Variants in CDH10 observed in about 807,000 individuals in gnomAD.
The protein encoded by CDH10 is cadherin 10, also known as cadherin-10.
In CDH10, 30 loss-of-function variants were observed where a neutral mutation model predicts 73.1. That is an observed-to-expected ratio of 0.41 (90% CI 0.31 to 0.56). CDH10 has a LOEUF of 0.56. CDH10 is among the 20% of genes least tolerant of loss of function. CDH10 has a pLI of 0.27. For missense variants in CDH10, 815 were observed against 973.7 expected (o/e 0.84, Z 2.17); for synonymous variants, 345 against 348.2 (o/e 0.99, Z 0.10).
chr5:24,642,257 T>C (rs2112223845), intron 1 of CDH10, among the ~76,000 whole-genome samples: 1 of 152,252 alleles, frequency 6.6e-6, no homozygotes, highest in South Asian at 2.1e-4. Flanking sequence ...CATATTCCAG[T>C]AAGACGTGTT....
At chr5:24,581,455 C>T (rs1244774416) in intron 2 of CDH10, among the ~76,000 whole-genome samples, 1 of 152,160 alleles carries the variant, frequency 6.6e-6, no homozygotes, top group African/African-American at 2.4e-5. Flanking sequence ...TTTCTGATTG[C>T]ACTTACATTT....
At chr5:24,557,363 T>C (rs545533897) in intron 2 of CDH10, among the ~76,000 whole-genome samples, 2 of 151,902 alleles carry the variant, frequency 1.3e-5, no homozygotes, top group Middle Eastern at 6.8e-3. Flanking sequence ...ATGTCCCTAA[T>C]TTACAGAATC....
chr5:24,514,489 T>C (rs936528911), intron 5 of CDH10, among the ~76,000 whole-genome samples: 2 of 152,154 alleles, frequency 1.3e-5, no homozygotes, highest in African/African-American at 4.8e-5. Context: ...TATAGTTCAC[T>C]ATGATTCTAC....
intron 1 of CDH10, among the ~76,000 whole-genome samples, chr5:24,607,581 T>A (rs865856160): frequency 6.6e-6 from 1 of 152,204 alleles, no homozygotes; most frequent in South Asian, 2.1e-4. Flanking sequence ...CCCAGAGAAA[T>A]TTTAGCAATA....
intron 2 of CDH10, among the ~76,000 whole-genome samples, chr5:24,563,451 TA>T (rs34730632): frequency 0.011 from 1,608 of 144,588 alleles, 31 homozygotes; most frequent in African/African-American, 0.039. Flanking sequence ...TATAGAAGCT[TA>T]AAAAAAAAAA....
At chr5:24,619,092 G>A (rs888411264) in intron 1 of CDH10, among the ~76,000 whole-genome samples, 2 of 152,102 alleles carry the variant, frequency 1.3e-5, no homozygotes, top group African/African-American at 4.8e-5. Flanking sequence ...ACCACTGCAC[G>A]TTGGAAGTAC....
At chr5:24,512,848 G>A (rs2111775044) in intron 5 of CDH10, among the ~76,000 whole-genome samples, 1 of 152,130 alleles carries the variant, frequency 6.6e-6, no homozygotes, top group Admixed American at 6.5e-5. Flanking sequence ...AGACCTCTTA[G>A]CTTGTCACAG....
chr5:24,542,291 T>C (rs527844307), intron 2 of CDH10, among the ~76,000 whole-genome samples: 1 of 152,292 alleles, frequency 6.6e-6, no homozygotes, highest in South Asian at 2.1e-4. Context: ...AACATTTTAG[T>C]TTTTATCTGT....
At chr5:24,558,322 G>T (rs9293137) in intron 2 of CDH10, among the ~76,000 whole-genome samples, 125,621 of 151,612 alleles carry the variant, frequency 0.83, 52,085 homozygotes, top group East Asian at 0.91. Flanking sequence ...TATAAACTAT[G>T]ACCAGGATTC....
rs535470018 is a variant in CDH10, at chr5:24,542,512, T to C, written c.232-4838A>G. On this transcript the variant is annotated intron_variant, in intron 2 of 11. Coordinates refer to ENST00000264463, the MANE Select transcript of CDH10 (RefSeq NM_006727.5). The stretch of plus-strand genomic sequence containing the variant: ...GTACAGGTTTGTAACCTAGGAGCAA[T>C]AGGCCCTACCATATAGCCTAGGTAT... 1.6e-3 allele frequency among the ~76,000 whole-genome samples: 245 copies of C among 152,298 alleles called. 1 individual carries two copies. The highest frequency in any genetic ancestry group is 5.5e-3 in the African/African-American group (227 of 41,580).
At chr5:24,512,763 C>G (rs544139004) in intron 5 of CDH10, among the ~76,000 whole-genome samples, 13 of 152,158 alleles carry the variant, frequency 8.5e-5, no homozygotes, top group African/African-American at 1.2e-4. Context: ...TAATCAACCT[C>G]AAGTACACTC....
intron 4 of CDH10, 47 bp from the exon 5 acceptor site, chr5:24,535,326 A>G (rs2111879986): frequency 2.0e-6 from 3 of 1,520,534 alleles, no homozygotes; most frequent in Non-Finnish European, 2.7e-6. Flanking sequence ...TGAAATCTCC[A>G]TTGTTATTTT....
intron 1 of CDH10, among the ~76,000 whole-genome samples, chr5:24,615,100 C>T (rs1051487532): frequency 2.6e-5 from 4 of 152,156 alleles, no homozygotes; most frequent in African/African-American, 9.7e-5. Flanking sequence ...CATGATAATA[C>T]TGTTCTCGCC....
intron 2 of CDH10, among the ~76,000 whole-genome samples, chr5:24,571,708 G>GAA (rs35188983): frequency 5.3e-5 from 8 of 151,722 alleles, no homozygotes; most frequent in South Asian, 4.2e-4. Flanking sequence ...ATAGTTCTAT[G>GAA]AAAAAAAATA....
At chr5:24,599,961 C>G (rs1418561846) in intron 1 of CDH10, among the ~76,000 whole-genome samples, 1 of 152,078 alleles carries the variant, frequency 6.6e-6, no homozygotes, top group African/African-American at 2.4e-5. Flanking sequence ...CTAAATTATG[C>G]ATGTGTAGCT....
At chr5:24,542,229 T>C (rs1744178895) in intron 2 of CDH10, among the ~76,000 whole-genome samples, 1 of 152,172 alleles carries the variant, frequency 6.6e-6, no homozygotes, top group African/African-American at 2.4e-5. Flanking sequence ...CAATTGTTTA[T>C]CCAGTGGAAA....
At chr5:24,565,651 A>T (rs1483644354) in intron 2 of CDH10, among the ~76,000 whole-genome samples, 1 of 152,114 alleles carries the variant, frequency 6.6e-6, no homozygotes, top group Non-Finnish European at 1.5e-5. Flanking sequence ...GCCTCTAAGG[A>T]AGTAATTGAG....
In CDH10 at chr5:24,487,981, T is replaced by C. The variant is rs1324309482; in HGVS notation, c.2049A>G (p.Glu683=). ...GTLRNPAAIE[E]KKLRRDIIPE... is the part of the protein sequence containing the mutation. ...GAATAATATCTCGCCGGAGCTTTTT[T>C]TCCTCAATGGCTGCAGGATTCCTCA... is the stretch of plus-strand genomic sequence containing the variant. Residue 683 remains glutamate (E), a synonymous_variant, in exon 12 of 12, where the codon GAA becomes GAG. Coordinates refer to ENST00000264463, the MANE Select transcript of CDH10 (RefSeq NM_006727.5). The C allele has an allele frequency of 1.9e-6, 3 of 1,613,916 alleles. No individual in the cohort carries two copies. The highest frequency in any genetic ancestry group is 2.5e-6 in the Non-Finnish European group (3 of 1,179,980).
chr5:24,513,865 C>T (rs6452208), intron 5 of CDH10, among the ~76,000 whole-genome samples: 72,608 of 151,808 alleles, frequency 0.48, 17,477 homozygotes, highest in East Asian at 0.58. Flanking sequence ...TCTATGGGGA[C>T]CTCCTCAAGA....
Sources: gnomAD v4.1 joint callset for allele counts (sites outside exome capture counted in the v4.1 genomes callset) on GRCh38, gnomAD v4.1.1 for gene constraint, MANE v1.5 for transcripts, NCBI Gene and HGNC (gene_info 2026-07-23, HGNC 2026-07-21) for gene names.